ENTPD1: variants seen among roughly 807,000 people sequenced by gnomAD.
ENTPD1 encodes ectonucleoside triphosphate diphosphohydrolase 1, also known as ATP diphosphohydrolase.
ENTPD1 carries 33 observed loss-of-function variants against 57.0 expected under a neutral mutation model. The ratio of observed to expected loss-of-function variants is 0.58; its 90% CI spans 0.44 to 0.77. The LOEUF (loss-of-function observed/expected upper bound fraction) is 0.77, where lower values mean the gene tolerates loss of function less well. Among genes scored for constraint, ENTPD1 ranks in the 30% least tolerant of loss-of-function variants. The pLI is 0.00. For synonymous variants in ENTPD1, 202 were observed against 218.8 expected (o/e 0.92, Z 0.68); for missense variants, 501 against 603.4 (o/e 0.83, Z 1.78).
intron 1 of ENTPD1, among the ~76,000 whole-genome samples, chr10:95,730,495 G>A (rs531407932): frequency 6.6e-6 from 1 of 152,112 alleles, no homozygotes; most frequent in African/African-American, 2.4e-5. Context: ...AGCATATAAG[G>A]ACAAAAGAGG....
chr10:95,794,070 T>A (rs913060967), intron 1 of ENTPD1, among the ~76,000 whole-genome samples: 8 of 152,204 alleles, frequency 5.3e-5, no homozygotes, highest in Non-Finnish European at 8.8e-5. Flanking sequence ...TTGTTTCATT[T>A]TGGAGACATA....
rs34841311 is a variant in ENTPD1, at chr10:95,731,781, C to CT, written c.37+19809dup. Among the ~76,000 whole-genome samples, 409 of 79,156 alleles carry CT rather than the reference C, an allele frequency of 5.2e-3. 27 individuals are homozygous for CT. The highest frequency in any genetic ancestry group is 0.016 in the Middle Eastern group (2 of 124). The allele number at this position is 79,156 out of a possible 152,430, so 51.9% of individuals were successfully genotyped here. A position where few individuals can be genotyped will look rare whatever the true frequency, so the allele number is the denominator to read the frequency against. On this transcript the variant is annotated intron_variant, in intron 1 of 9. Transcript: ENST00000453258. ...GGTAAGAATTAGAGGAGTGGACATC[C>CT]TTTTTTTTTTTTTTTTTTTTTGACA...
chr10:95,768,985 C>A (rs1003887856), intron 1 of ENTPD1, among the ~76,000 whole-genome samples: 1 of 152,190 alleles, frequency 6.6e-6, no homozygotes, highest in Non-Finnish European at 1.5e-5. Context: ...CTGCCCATGG[C>A]TCCCTTAGGT....
At chr10:95,795,704 A>C (rs1056243052) in intron 1 of ENTPD1, among the ~76,000 whole-genome samples, 5 of 152,188 alleles carry the variant, frequency 3.3e-5, no homozygotes, top group African/African-American at 9.7e-5. Flanking sequence ...CAGGTCATGC[A>C]GCTAGTAAGA....
intron 5 of ENTPD1, chr10:95,844,864 G>C: frequency 1.6e-6 from 1 of 611,260 alleles, no homozygotes; most frequent in Non-Finnish European, 2.9e-6. Flanking sequence ...CTTTACCTTA[G>C]GGAGGCATAA....
Position 95,868,474 on chromosome 10 carries a change from A to G in ENTPD1, c.*2091A>G. 1.0e-6 allele frequency: 1 copy of G among 985,440 alleles called. No individual in the cohort carries two copies. The highest frequency in any genetic ancestry group is 1.2e-6 in the Non-Finnish European group (1 of 829,930). 61.0% of individuals were successfully genotyped at this position (985,440 alleles called of 1,614,324 possible). A position where few individuals can be genotyped will look rare whatever the true frequency, so the allele number is the denominator to read the frequency against. ...GGCTTCCTAATTTTAATGTTTGCTC[A>G]CAGCATAGTAGATTGACATCAAATA... On this transcript the variant is annotated 3_prime_UTR_variant, in exon 10 of 10. Coordinates refer to ENST00000371205, the MANE Select transcript of ENTPD1 (RefSeq NM_001776.6).
chr10:95,876,714 T>A lies in ENTPD1; in HGVS notation c.*10331T>A. 1 of 1,113,364 alleles carries A rather than the reference T, an allele frequency of 9.0e-7. No individual in the cohort carries two copies. The allele number at this position is 1,113,364 out of a possible 1,614,324, so 69.0% of individuals were successfully genotyped here. A position where few individuals can be genotyped will look rare whatever the true frequency, so the allele number is the denominator to read the frequency against. On this transcript the variant is annotated 3_prime_UTR_variant, in exon 10 of 10. Coordinates refer to ENST00000371205, the MANE Select transcript of ENTPD1 (RefSeq NM_001776.6). ...AAAACTTATTGGAATATTCAAATATTAACCAAAGTAGAAAAATATAATACA... is the reference window on the plus strand; with the variant it reads ...AAAACTTATTGGAATATTCAAATATAAACCAAAGTAGAAAAATATAATACA...
upstream of ENTPD1, among the ~76,000 whole-genome samples, chr10:95,709,025 CT>C (rs1406652751): frequency 6.6e-6 from 1 of 152,112 alleles, no homozygotes; most frequent in African/African-American, 2.4e-5. Context: ...TCAGCTGAGA[CT>C]TTTTAAAATT....
At chr10:95,712,576 T>C (rs2097966852) in intron 1 of ENTPD1, among the ~76,000 whole-genome samples, 1 of 152,152 alleles carries the variant, frequency 6.6e-6, no homozygotes, top group African/African-American at 2.4e-5. Context: ...GGGGAGTTTG[T>C]CTTAAGTTCC....
At chr10:95,837,907 C>T (rs2098413921) in intron 2 of ENTPD1, among the ~76,000 whole-genome samples, 1 of 151,842 alleles carries the variant, frequency 6.6e-6, no homozygotes, top group Admixed American at 6.6e-5. Context: ...TTCCTCTTTC[C>T]AGACCACTGC....
chr10:95,834,592 G>T (rs981378989), intron 2 of ENTPD1, among the ~76,000 whole-genome samples: 2 of 152,190 alleles, frequency 1.3e-5, no homozygotes, highest in Non-Finnish European at 2.9e-5. Context: ...TGATGCTCTA[G>T]TTTCTCTTTC....
At chr10:95,805,513 G>T (rs898016771) in intron 1 of ENTPD1, among the ~76,000 whole-genome samples, 7 of 152,156 alleles carry the variant, frequency 4.6e-5, no homozygotes, top group Non-Finnish European at 1.0e-4. Context: ...ATTGTTATGT[G>T]TGAATTTGAT....
chr10:95,810,463 G>T (rs901554776), intron 1 of ENTPD1, among the ~76,000 whole-genome samples: 1 of 143,166 alleles, frequency 7.0e-6, no homozygotes, highest in Non-Finnish European at 1.5e-5. Context: ...GGGCAGAGGC[G>T]CTCCTCACTT....
intron 6 of ENTPD1, 197 bp downstream of exon 6, chr10:95,845,793 G>GT (rs2098434343): frequency 2.7e-6 from 2 of 737,754 alleles, no homozygotes; most frequent in Admixed American, 2.5e-5. Flanking sequence ...TCCCATGTTT[G>GT]TTTACTGCGT....
At chr10:95,753,009 G>A (rs1183551700), upstream of ENTPD1, among the ~76,000 whole-genome samples, 3 of 151,984 alleles carry the variant, frequency 2.0e-5, no homozygotes, top group East Asian at 1.9e-4. Flanking sequence ...GGGATGAACC[G>A]GTACAGTGAA....
intron 1 of ENTPD1, among the ~76,000 whole-genome samples, chr10:95,810,298 G>A (rs547852742): frequency 4.8e-4 from 69 of 143,814 alleles, no homozygotes; most frequent in African/African-American, 1.8e-3. Flanking sequence ...CAGATGGGGC[G>A]GTGGCTGGGC....
Position 95,868,127 on chromosome 10 carries a change from G to C in ENTPD1, c.*1744G>C. 3 of 984,052 alleles carry C rather than the reference G, an allele frequency of 3.0e-6. No homozygotes were observed. The highest frequency in any genetic ancestry group is 3.6e-6 in the Non-Finnish European group (3 of 828,666). 61.0% of individuals were successfully genotyped at this position (984,052 alleles called of 1,614,324 possible). A position where few individuals can be genotyped will look rare whatever the true frequency, so the allele number is the denominator to read the frequency against. On this transcript the variant is annotated 3_prime_UTR_variant, in exon 10 of 10. Coordinates refer to ENST00000371205, the MANE Select transcript of ENTPD1 (RefSeq NM_001776.6). ...TCCTCACAACAATCTGAAGAAGGTA[G>C]GTATTACAATTCCCACTTCATAGAA... is the stretch of plus-strand genomic sequence containing the variant.
chr10:95,755,724 G>C, upstream of ENTPD1: 2 of 1,537,276 alleles, frequency 1.3e-6, no homozygotes, highest in Non-Finnish European at 1.7e-6. Context: ...TATGGGGAGG[G>C]AAGAACTGTT....
chr10:95,809,162 T>C (rs1025026300), intron 1 of ENTPD1, among the ~76,000 whole-genome samples: 1 of 152,230 alleles, frequency 6.6e-6, no homozygotes, highest in Admixed American at 6.5e-5. Context: ...TCTCTTTCTT[T>C]TCCCCACATT....
Sources: allele counts gnomAD v4.1 joint callset (sites outside exome capture counted in the v4.1 genomes callset), GRCh38; gene constraint gnomAD v4.1.1; transcripts MANE v1.5; gene names NCBI Gene and HGNC (gene_info 2026-07-23, HGNC 2026-07-21).